CAST: variants seen among roughly 807,000 people sequenced by gnomAD.
CAST encodes MIR583 host.
CAST carries 76 observed loss-of-function variants against 119.6 expected under a neutral mutation model. The ratio of observed to expected loss-of-function variants is 0.64; its 90% confidence interval spans 0.53 to 0.77. The LOEUF is 0.77. Among genes scored for constraint, CAST ranks in the 30% least tolerant of loss-of-function variants. CAST has a pLI of 0.00. For missense variants in CAST, 953 were observed against 946.5 expected (o/e 1.01, Z -0.09); for synonymous variants, 319 against 331.6 (o/e 0.96, Z 0.41).
chr5:96,432,252 A>C, the CAST span: 3 of 830,794 alleles, frequency 3.6e-6, no homozygotes, highest in African/African-American at 1.7e-5. Context: ...CGTGTCTTTC[A>C]CCCACCATTT....
chr5:96,559,643 A>G (rs956098230), intron 1 of CAST, among the ~76,000 whole-genome samples: 1 of 152,230 alleles, frequency 6.6e-6, no homozygotes, highest in Admixed American at 6.5e-5. Context: ...AATCCAACTT[A>G]CAAGGGACGT....
chr5:96,275,193 T>C, the CAST span, among the ~76,000 whole-genome samples: 1 of 152,252 alleles, frequency 6.6e-6, no homozygotes, highest in Non-Finnish European at 1.5e-5. Context: ...TCGTTGACAG[T>C]AAGCCGTATT....
intron 3 of CAST, among the ~76,000 whole-genome samples, chr5:96,719,627 GA>G (rs760070915): frequency 4.6e-5 from 7 of 152,210 alleles, no homozygotes; most frequent in Non-Finnish European, 1.0e-4. Flanking sequence ...GGTCATTTGG[GA>G]GGGGTAGTAT....
At chr5:96,562,038 C>G (rs1005406193) in intron 1 of CAST, among the ~76,000 whole-genome samples, 2 of 150,966 alleles carry the variant, frequency 1.3e-5, no homozygotes, top group African/African-American at 2.4e-5. Flanking sequence ...GTGATCCGCC[C>G]GCCTCGGCCT....
chr5:96,036,610 T>C, the CAST span, among the ~76,000 whole-genome samples: 5 of 152,148 alleles, frequency 3.3e-5, no homozygotes, highest in Non-Finnish European at 5.9e-5. Flanking sequence ...TTTTTATTGC[T>C]TAGGAAACTT....
At chr5:96,450,907 A>G in the CAST span, among the ~76,000 whole-genome samples, 4 of 152,180 alleles carry the variant, frequency 2.6e-5, no homozygotes, top group Non-Finnish European at 5.9e-5. Flanking sequence ...CCAGGTAGCT[A>G]ATCTTAGCAG....
chr5:96,082,503 A>T, the CAST span, among the ~76,000 whole-genome samples: 16 of 152,312 alleles, frequency 1.1e-4, no homozygotes, highest in African/African-American at 3.4e-4. Context: ...CCAGGTGAAA[A>T]TGAAGATTTT....
intron 1 of CAST, among the ~76,000 whole-genome samples, chr5:96,589,957 G>A (rs1746933616): frequency 6.6e-6 from 1 of 152,176 alleles, no homozygotes; most frequent in African/African-American, 2.4e-5. Flanking sequence ...CACTTTTGAA[G>A]TTTCTCAGAT....
chr5:96,566,305 A>C (rs1212005745), intron 1 of CAST, among the ~76,000 whole-genome samples: 2 of 152,192 alleles, frequency 1.3e-5, no homozygotes, highest in African/African-American at 4.8e-5. Context: ...AGACTTGTTG[A>C]TTCCATTGTT....
At chr5:96,595,737 A>T (rs1395027512) in intron 1 of CAST, among the ~76,000 whole-genome samples, 2 of 152,248 alleles carry the variant, frequency 1.3e-5, no homozygotes, top group African/African-American at 4.8e-5. Context: ...CATAGAGAAA[A>T]TATGCAGAAC....
chr5:96,002,611 G>C, the CAST span, among the ~76,000 whole-genome samples: 1 of 152,082 alleles, frequency 6.6e-6, no homozygotes, highest in Non-Finnish European at 1.5e-5. Context: ...GACTGGCCTG[G>C]GGACTGTCTT....
chr5:96,573,670 T>C (rs1182303214), intron 1 of CAST, among the ~76,000 whole-genome samples: 1 of 151,836 alleles, frequency 6.6e-6, no homozygotes, highest in Admixed American at 6.6e-5. Flanking sequence ...AGATCATAAA[T>C]GCACAGTTTG....
the CAST span, among the ~76,000 whole-genome samples, chr5:96,376,822 G>A: frequency 6.1e-3 from 935 of 152,224 alleles, 16 homozygotes; most frequent in African/African-American, 0.021. Flanking sequence ...GCCTCAGGTA[G>A]GTCCTTCAGG....
chr5:96,097,182 A>G, the CAST span, among the ~76,000 whole-genome samples: 3 of 152,292 alleles, frequency 2.0e-5, no homozygotes, highest in East Asian at 1.9e-4. Flanking sequence ...TTGAGCTTTC[A>G]TAGTTTGCTC....
At chr5:96,657,826 G>A (rs1748185130), upstream of CAST, among the ~76,000 whole-genome samples, 1 of 152,204 alleles carries the variant, frequency 6.6e-6, no homozygotes, top group African/African-American at 2.4e-5. Context: ...GCCAGGCACG[G>A]TGGCTCACAC....
At chr5:96,408,091 CA>C in the CAST span, 1 of 705,926 alleles carries the variant, frequency 1.4e-6, no homozygotes, top group Non-Finnish European at 2.6e-6. Flanking sequence ...CTCGAAGTGG[CA>C]GGAAAGAGCT....
the CAST span, among the ~76,000 whole-genome samples, chr5:96,298,474 T>C: frequency 2.0e-5 from 3 of 152,210 alleles, no homozygotes; most frequent in East Asian, 5.8e-4. Context: ...ACTTCATTTC[T>C]CACTGTTGAA....
At chr5:96,405,866 C>T in the CAST span, among the ~76,000 whole-genome samples, 32 of 152,210 alleles carry the variant, frequency 2.1e-4, no homozygotes, top group South Asian at 4.2e-4. Flanking sequence ...GGGCTAGGCA[C>T]GGCTAGTTAT....
the CAST span, among the ~76,000 whole-genome samples, chr5:96,209,574 A>G: frequency 6.6e-6 from 1 of 151,854 alleles, no homozygotes; most frequent in Non-Finnish European, 1.5e-5. Flanking sequence ...TTACATATGA[A>G]GTTTAGTTTG....
Sources: gnomAD v4.1 joint callset for allele counts (sites outside exome capture counted in the v4.1 genomes callset) on GRCh38, gnomAD v4.1.1 for gene constraint, MANE v1.5 for transcripts, NCBI Gene and HGNC (gene_info 2026-07-23, HGNC 2026-07-21) for gene names.